CNTN1: variants seen among roughly 807,000 people sequenced by gnomAD.
CNTN1 encodes contactin 1.
In CNTN1, 38 loss-of-function variants were observed where a neutral mutation model predicts 126.4. The observed-to-expected ratio is 0.30, with a 90% CI of 0.23 to 0.39. The LOEUF (loss-of-function observed/expected upper bound fraction) is 0.39. CNTN1 is among the 10% of genes least tolerant of loss of function. The pLI, the probability that CNTN1 is intolerant of heterozygous loss-of-function variation, is 1.00. For synonymous variants in CNTN1, 413 were observed against 422.6 expected, an observed-to-expected ratio of 0.98 and a Z score of 0.28; for missense variants, 1,009 against 1,248.4, an observed-to-expected ratio of 0.81 and a Z score of 2.89.
At chr12:40,813,744 G>T (rs562830716) in intron 1 of CNTN1, among the ~76,000 whole-genome samples, 2 of 152,190 alleles carry the variant, frequency 1.3e-5, no homozygotes, top group South Asian at 4.1e-4. Context: ...GGTATTTCTG[G>T]TTCTAGATCC....
At position 40,930,063 on chromosome 12, in the gene CNTN1, C is replaced by T. The variant is rs545323042; in HGVS notation, c.703+61C>T. 13 of 1,265,546 alleles carry T rather than the reference C, an allele frequency of 1.0e-5. No homozygotes were observed. The East Asian group carries it at 1.2e-4, about 11-fold the overall frequency. The allele number at this position is 1,265,546 out of a possible 1,614,324, so 78.4% of individuals were successfully genotyped here. A position where few individuals can be genotyped will look rare whatever the true frequency, so the allele number is the denominator to read the frequency against. On this transcript the variant is annotated intron_variant, in intron 7 of 23. Transcript: ENST00000551295. ...GGTTATCTACATATGGTATACTTAC[C>T]GTAATGAAAAGAAATATCCAGTGAA...
chr12:40,721,965 G>T (rs1016214062), intron 1 of CNTN1, among the ~76,000 whole-genome samples: 5 of 150,776 alleles, frequency 3.3e-5, no homozygotes, highest in African/African-American at 9.8e-5. Flanking sequence ...TGGACATTTG[G>T]GTTGGTTCCA....
intron 1 of CNTN1, among the ~76,000 whole-genome samples, chr12:40,786,353 A>T (rs1940018129): frequency 6.6e-6 from 1 of 152,076 alleles, no homozygotes; most frequent in Non-Finnish European, 1.5e-5. Context: ...ATCTCTCTCT[A>T]GCCCTTTCAG....
chr12:41,014,349 C>T lies in CNTN1; in HGVS notation c.2184+51C>T, dbSNP rs764103087. On this transcript the variant is annotated intron_variant, in intron 18 of 23. Coordinates refer to ENST00000551295, the MANE Select transcript of CNTN1 (RefSeq NM_001843.4). ...TATAGGTTGCTGTATCTATATTTAA[C>T]TTCCACCCCATTTTGTTTCCTGAAA... 9.6e-6 allele frequency: 15 copies of T among 1,562,642 alleles called. No homozygotes were observed. In the African/African-American group the frequency reaches 1.1e-4, roughly 11 times the overall value.
intron 1 of CNTN1, among the ~76,000 whole-genome samples, chr12:40,774,681 C>T (rs1431462835): frequency 6.6e-6 from 1 of 151,550 alleles, no homozygotes; most frequent in Non-Finnish European, 1.5e-5. Context: ...ACTTAACTCT[C>T]ATCTCAATAT....
intron 23 of CNTN1, among the ~76,000 whole-genome samples, chr12:41,032,260 A>G (rs1949159665): frequency 6.6e-6 from 1 of 151,956 alleles, no homozygotes; most frequent in South Asian, 2.1e-4. Flanking sequence ...CTCTCCTGTT[A>G]GAAAGATGGC....
rs73112650 is a variant in CNTN1, at chr12:40,786,552, G to T, written c.-77+93960G>T. Among the ~76,000 whole-genome samples the T allele has an allele frequency of 7.9e-3, 1,201 of 152,246 alleles. 10 individuals carry two copies. The highest frequency in any genetic ancestry group is 9.4e-3 in the Non-Finnish European group (642 of 68,010). On this transcript the variant is annotated intron_variant, in intron 1 of 23. Transcript: ENST00000551295. The stretch of plus-strand genomic sequence containing the variant: ...TAAGGTAGAAGATGTTTACAAAGTG[G>T]TTGCTTTGAATATTATTAGTAGAAG...
chr12:40,818,535 T>G (rs1236474888), intron 1 of CNTN1, among the ~76,000 whole-genome samples: 1 of 152,186 alleles, frequency 6.6e-6, no homozygotes, highest in African/African-American at 2.4e-5. Context: ...TTTATATTCC[T>G]CTCTAAACTG....
chr12:40,772,982 C>T (rs1185737691), intron 1 of CNTN1, among the ~76,000 whole-genome samples: 1 of 151,738 alleles, frequency 6.6e-6, no homozygotes, highest in African/African-American at 2.4e-5. Flanking sequence ...GAATATATAT[C>T]GTGGATTGGA....
chr12:40,770,160 T>A (rs1307732711), intron 1 of CNTN1, among the ~76,000 whole-genome samples: 1 of 152,074 alleles, frequency 6.6e-6, no homozygotes, highest in Non-Finnish European at 1.5e-5. Context: ...AGCAATCAAC[T>A]TTTTTTAGCG....
At position 40,851,977 on chromosome 12, in the gene CNTN1, C is replaced by G. The variant is rs148765936; in HGVS notation, c.-76-56380C>G. Among the ~76,000 whole-genome samples the G allele has an allele frequency of 2.6e-3, 390 of 152,240 alleles. 2 individuals are homozygous for G. The highest frequency in any genetic ancestry group is 9.0e-3 in the African/African-American group (374 of 41,546). On this transcript the variant is annotated intron_variant, in intron 1 of 23. Transcript: ENST00000551295. Reference sequence around the variant, plus strand: ...AGGTGAAAAGGACATCTTTCCGGTGCCTGTACAGGCTCCAAGTTGAAGGCT... The same window carrying G: ...AGGTGAAAAGGACATCTTTCCGGTGGCTGTACAGGCTCCAAGTTGAAGGCT...
At chr12:40,819,713 A>G (rs1251996726) in intron 1 of CNTN1, among the ~76,000 whole-genome samples, 2 of 152,146 alleles carry the variant, frequency 1.3e-5, no homozygotes, top group Non-Finnish European at 2.9e-5. Context: ...TCCCCCCTGG[A>G]GTTCAGTAAG....
chr12:40,919,828 T>C (rs1006300063), intron 4 of CNTN1, among the ~76,000 whole-genome samples: 1 of 152,200 alleles, frequency 6.6e-6, no homozygotes, highest in Non-Finnish European at 1.5e-5. Context: ...GTAGGTATTT[T>C]ATAAATTATA....
intron 7 of CNTN1, among the ~76,000 whole-genome samples, chr12:40,932,752 T>C (rs889803246): frequency 3.3e-5 from 5 of 152,000 alleles, no homozygotes; most frequent in Non-Finnish European, 7.4e-5. Context: ...TCTTTCAAAG[T>C]ACCCATTTTG....
At chr12:40,784,941 T>G (rs1939953095) in intron 1 of CNTN1, among the ~76,000 whole-genome samples, 1 of 152,096 alleles carries the variant, frequency 6.6e-6, no homozygotes, top group South Asian at 2.1e-4. Flanking sequence ...TTCATAGTCA[T>G]GGGGTGGATG....
At chr12:40,806,427 T>A (rs1940858081) in intron 1 of CNTN1, among the ~76,000 whole-genome samples, 1 of 152,170 alleles carries the variant, frequency 6.6e-6, no homozygotes, top group South Asian at 2.1e-4. Context: ...TCTGTGGTTA[T>A]GAGACCTTAC....
chr12:41,019,564 A>C (rs919082539), intron 19 of CNTN1, among the ~76,000 whole-genome samples: 1 of 152,168 alleles, frequency 6.6e-6, no homozygotes, highest in African/African-American at 2.4e-5. Flanking sequence ...AGACAATAAA[A>C]ATTGATCACC....
intron 17 of CNTN1, among the ~76,000 whole-genome samples, chr12:40,997,680 A>C (rs552297929): frequency 1.3e-3 from 201 of 152,272 alleles, no homozygotes; most frequent in Non-Finnish European, 2.3e-3. Context: ...GGGCAAGTTA[A>C]TTAGTGTATT....
intron 1 of CNTN1, among the ~76,000 whole-genome samples, chr12:40,809,791 G>A (rs928295112): frequency 5.5e-5 from 8 of 146,508 alleles, no homozygotes; most frequent in Non-Finnish European, 1.2e-4. Context: ...ACTCCAGCCT[G>A]GGCAACAGAG....
Sources: gnomAD v4.1 joint callset for allele counts (sites outside exome capture counted in the v4.1 genomes callset) on GRCh38, gnomAD v4.1.1 for gene constraint, MANE v1.5 for transcripts, NCBI Gene and HGNC (gene_info 2026-07-23, HGNC 2026-07-21) for gene names.